Variants in PLEKHH1 observed in about 807,000 individuals in gnomAD.
The protein encoded by PLEKHH1 is pleckstrin homology, MyTH4 and FERM domain containing H1, also known as pleckstrin homology domain-containing family H member 1.
A neutral mutation model predicts 160.0 loss-of-function variants in PLEKHH1; 104 were observed. That is an observed-to-expected ratio of 0.65 (90% confidence interval 0.55 to 0.76). The LOEUF (loss-of-function observed/expected upper bound fraction) is 0.76. Among genes scored for constraint, PLEKHH1 ranks in the 30% least tolerant of loss-of-function variants. The probability of loss-of-function intolerance (pLI) is 0.00; values close to 1 mark genes in which losing one functional copy is unlikely to be tolerated. For synonymous variants in PLEKHH1, 619 were observed against 678.4 expected (o/e 0.91, Z 1.36); for missense variants, 1,427 against 1,724.1 (o/e 0.83, Z 3.05).
At chr14:67,541,064 T>C (rs1002718118) in intron 1 of PLEKHH1, among the ~76,000 whole-genome samples, 2 of 152,222 alleles carry the variant, frequency 1.3e-5, no homozygotes, top group African/African-American at 2.4e-5. Context: ...GTTTGCATCT[T>C]AGAACCTGAA....
chr14:67,574,572 G>T lies in PLEKHH1; in HGVS notation c.2088+169G>T, dbSNP rs1206075132. Among the ~76,000 whole-genome samples the T allele has an allele frequency of 6.6e-6, 1 of 152,224 alleles. No individual in the cohort carries two copies. The highest frequency in any genetic ancestry group is 2.4e-5 in the African/African-American group (1 of 41,456). On this transcript the variant is annotated intron_variant, in intron 14 of 28. Coordinates refer to ENST00000329153, the MANE Select transcript of PLEKHH1 (RefSeq NM_020715.3). The surrounding 1 kb of genome is among the most constrained non-coding windows in gnomAD (Gnocchi z 4.2). Reference sequence around the variant, plus strand: ...CTCAAACGTGGTCTGGCCACACAAGGTGATGGCGAGTGATTCCCCGGAAAC... The same window carrying T: ...CTCAAACGTGGTCTGGCCACACAAGTTGATGGCGAGTGATTCCCCGGAAAC...
chr14:67,584,725 A>G (rs1039167839), intron 26 of PLEKHH1, among the ~76,000 whole-genome samples: 1 of 152,248 alleles, frequency 6.6e-6, no homozygotes, highest in Non-Finnish European at 1.5e-5. Flanking sequence ...GTTTGAGGTT[A>G]TAAGAAGTGA....
chr14:67,555,047 G>T (rs2034539170), intron 2 of PLEKHH1, among the ~76,000 whole-genome samples: 1 of 151,980 alleles, frequency 6.6e-6, no homozygotes, highest in African/African-American at 2.4e-5. Flanking sequence ...TGAGTAGCTG[G>T]GACTACAGGC....
In PLEKHH1 at chr14:67,562,712, C is replaced by A. The variant is rs866092940; in HGVS notation, c.1081C>A (p.Leu361Ile). 6.2e-7 allele frequency: 1 copy of A among 1,613,214 alleles called. No homozygotes were observed. Among genetic ancestry groups the A allele is most frequent in the Non-Finnish European group, 8.5e-7 (1 of 1,179,634 alleles). ...EAFSALHPSG[L>I]PELESRARSR... Reference sequence around the variant, plus strand: ...CTTCTCAGCCCTCCACCCCTCTGGCCTTCCTGAGCTGGAGTCCCGAGCTAG... The same window carrying A: ...CTTCTCAGCCCTCCACCCCTCTGGCATTCCTGAGCTGGAGTCCCGAGCTAG... Residue 361 changes from leucine (L) to isoleucine (I), a missense_variant, in exon 7 of 29, where the codon CTT becomes ATT. Physicochemically the swap from Leu to Ile is conservative, Grantham distance 5. Coordinates refer to ENST00000329153, the MANE Select transcript of PLEKHH1 (RefSeq NM_020715.3).
Position 67,562,752 on chromosome 14 carries a change from C to T in PLEKHH1, c.1121C>T (p.Pro374Leu). ...LESRARSREEPEKMEMEEPPP... is the reference protein window; with the variant it reads ...LESRARSREELEKMEMEEPPP... ...TCCCGAGCTAGGTCCCGGGAGGAAC[C>T]AGAGAAGATGGAGATGGAGGAGCCA... The change falls in exon 7 of 29, where the codon CCA becomes CTA. Residue 374 changes from proline to leucine, a missense_variant. Pro to Leu is a moderately conservative substitution (Grantham distance 98). Coordinates refer to ENST00000329153, the MANE Select transcript of PLEKHH1 (RefSeq NM_020715.3). The T allele has an allele frequency of 1.2e-6, 2 of 1,613,818 alleles. No homozygotes were observed. Among genetic ancestry groups the T allele is most frequent in the Non-Finnish European group, 1.7e-6 (2 of 1,179,856 alleles).
At position 67,587,307 on chromosome 14, in the gene PLEKHH1, T is replaced by C. The variant is rs759196107; in HGVS notation, c.*72T>C. Reference sequence around the variant, plus strand: ...TAGAGATATATATCCTAGGGTATGATACTACTGTGACGGGTCTAACAGCCC... The same window carrying C: ...TAGAGATATATATCCTAGGGTATGACACTACTGTGACGGGTCTAACAGCCC... On this transcript the variant is annotated 3_prime_UTR_variant, in exon 29 of 29. Coordinates refer to ENST00000329153, the MANE Select transcript of PLEKHH1 (RefSeq NM_020715.3). The C allele has an allele frequency of 3.2e-6, 5 of 1,558,700 alleles. No individual in the cohort carries two copies. The highest frequency in any genetic ancestry group is 3.3e-5 in the Admixed American group (2 of 59,918).
rs778293337 is a variant in PLEKHH1, at chr14:67,586,097, G to A, written c.3933G>A (p.Lys1311=). ...TGATCTTCCGGATGGCTGCTCCCAA[G>A]GTAGGTCTGACAGCTGTTAAAACGT... ...EKLIFRMAAP[K]IAEATFIMAS... is the part of the protein sequence containing the mutation. Residue 1311 remains lysine (K), a splice_region_variant and synonymous_variant, in exon 28 of 29, where the codon AAG becomes AAA. Coordinates refer to ENST00000329153, the MANE Select transcript of PLEKHH1 (RefSeq NM_020715.3). 2 of 1,613,852 alleles carry A rather than the reference G, an allele frequency of 1.2e-6. No homozygotes were observed. Among genetic ancestry groups the A allele is most frequent in the South Asian group, 2.2e-5 (2 of 91,080 alleles).
rs1401516682 is a variant in PLEKHH1 at position 67,562,378 on chromosome 14, A to AG, written c.748dup (p.Val250GlyfsTer29). ...CCAGCACGGTCCATTCTGGGGAAACAGTAGAGGCCAAGCCCCTTCAACCTC... is the reference window on the plus strand; with the variant it reads ...CCAGCACGGTCCATTCTGGGGAAACAGGTAGAGGCCAAGCCCCTTCAACCTC... On this transcript the variant is annotated frameshift_variant, in exon 7 of 29. Transcript: ENST00000329153. LOFTEE classifies it high-confidence loss of function. 1.9e-6 allele frequency: 3 copies of AG among 1,613,552 alleles called. No individual in the cohort carries two copies. The highest frequency in any genetic ancestry group is 2.5e-6 in the Non-Finnish European group (3 of 1,179,530).
chr14:67,549,344 C>T (rs578016293), intron 2 of PLEKHH1, among the ~76,000 whole-genome samples: 2 of 151,610 alleles, frequency 1.3e-5, no homozygotes, highest in South Asian at 2.1e-4. Context: ...GATCTCAGCT[C>T]ACTGCAACCT....
At chr14:67,563,404 T>C (rs1161347512) in intron 7 of PLEKHH1, among the ~76,000 whole-genome samples, 2 of 151,826 alleles carry the variant, frequency 1.3e-5, no homozygotes, top group African/African-American at 2.4e-5. Context: ...TATTTTTCTT[T>C]CTTTGTTTTT....
At chr14:67,572,336 G>T in intron 11 of PLEKHH1, 59 bp downstream of exon 11, 1 of 1,398,972 alleles carries the variant, frequency 7.1e-7, no homozygotes, top group Non-Finnish European at 9.5e-7. Context: ...GGCTGCTGGG[G>T]CCCTCAGCAC....
chr14:67,540,826 C>T (rs1249910823), intron 1 of PLEKHH1, among the ~76,000 whole-genome samples: 1 of 152,158 alleles, frequency 6.6e-6, no homozygotes. Flanking sequence ...CTCCTGCTTG[C>T]TCTGCCTGTA....
chr14:67,561,886 A>AAT, intron 5 of PLEKHH1, 68 bp from the exon 6 acceptor site: 3 of 1,108,310 alleles, frequency 2.7e-6, no homozygotes, highest in Non-Finnish European at 4.0e-6. Flanking sequence ...AAAAAAAAAA[A>AAT]GAATTGAAAA....
chr14:67,543,792 C>A (rs1224758666), intron 2 of PLEKHH1, among the ~76,000 whole-genome samples: 2 of 151,146 alleles, frequency 1.3e-5, no homozygotes, highest in African/African-American at 2.4e-5. Context: ...AAAAAAAAAA[C>A]CCACTATGAA....
At position 67,574,967 on chromosome 14, in the gene PLEKHH1, G is replaced by A. The variant is rs879164765; in HGVS notation, c.2089-425G>A. 1.3e-5 allele frequency among the ~76,000 whole-genome samples: 2 copies of A among 152,274 alleles called. No homozygotes were observed. Among genetic ancestry groups the A allele is most frequent in the Admixed American group, 6.5e-5 (1 of 15,290 alleles). The stretch of plus-strand genomic sequence containing the variant: ...GGCTCGCTGTGTGGCTCTGCTTCTC[G>A]TTCAATCTGTTTATGTCATTCTCCT... On this transcript the variant is annotated intron_variant, in intron 14 of 28. Coordinates refer to ENST00000329153, the MANE Select transcript of PLEKHH1 (RefSeq NM_020715.3). This position sits in a 1 kb window ranked among gnomAD's most constrained non-coding sequence, Gnocchi z 4.2.
rs184434753 is a variant in PLEKHH1, at chr14:67,565,513, T to G, written c.1263+2619T>G. Among the ~76,000 whole-genome samples the G allele has an allele frequency of 3.2e-3, 493 of 152,182 alleles. 3 individuals carry two copies. Among genetic ancestry groups the G allele is most frequent in the Non-Finnish European group, 5.5e-3 (372 of 68,000 alleles). ...TCCTTTGTCAGCCATAAGAGCCACCTTACCCGGTCTGAGAGCCAGGCTTTA... is the reference window on the plus strand; with the variant it reads ...TCCTTTGTCAGCCATAAGAGCCACCGTACCCGGTCTGAGAGCCAGGCTTTA... On this transcript the variant is annotated intron_variant, in intron 7 of 28. Coordinates refer to ENST00000329153, the MANE Select transcript of PLEKHH1 (RefSeq NM_020715.3).
intron 23 of PLEKHH1, among the ~76,000 whole-genome samples, chr14:67,581,276 A>G (rs1043122311): frequency 1.4e-5 from 2 of 140,148 alleles, no homozygotes; most frequent in African/African-American, 2.6e-5. Context: ...GTGTATATGC[A>G]CACACACACA....
Position 67,587,309 on chromosome 14 carries a change from C to T in PLEKHH1, c.*74C>T. On this transcript the variant is annotated 3_prime_UTR_variant, in exon 29 of 29. Transcript: ENST00000329153. ...GAGATATATATCCTAGGGTATGATA[C>T]TACTGTGACGGGTCTAACAGCCCCC... 2 of 1,547,128 alleles carry T rather than the reference C, an allele frequency of 1.3e-6. No individual in the cohort carries two copies. Among genetic ancestry groups the T allele is most frequent in the Non-Finnish European group, 1.8e-6 (2 of 1,119,168 alleles).
intron 2 of PLEKHH1, among the ~76,000 whole-genome samples, chr14:67,543,661 G>A (rs1405638855): frequency 1.3e-5 from 2 of 152,132 alleles, no homozygotes; most frequent in East Asian, 1.9e-4. Flanking sequence ...TTAAGCTATG[G>A]TGTTGGAGGA....
Sources: gnomAD v4.1 joint callset for allele counts (sites outside exome capture counted in the v4.1 genomes callset) on GRCh38, gnomAD v4.1.1 for gene constraint, Gnocchi (gnomAD v3.1) non-coding constraint, MANE v1.5 for transcripts, NCBI Gene and HGNC (gene_info 2026-07-23, HGNC 2026-07-21) for gene names.